TAOK1: variants seen among roughly 807,000 people sequenced by gnomAD.
TAOK1 encodes the protein TAO kinase 1, also known as serine/threonine-protein kinase TAO1.
In TAOK1, 21 loss-of-function variants were observed where a neutral mutation model predicts 138.3. The observed-to-expected ratio is 0.15, with a 90% CI of 0.11 to 0.22. TAOK1 has a LOEUF of 0.22. Ranked by LOEUF, TAOK1 falls within the 10% of genes least tolerant of loss-of-function variation. The pLI, the probability that TAOK1 is intolerant of heterozygous loss-of-function variation, is 1.00. For synonymous variants in TAOK1, 361 were observed against 398.4 expected (o/e 0.91, Z 1.12); for missense variants, 651 against 1,227.7 (o/e 0.53, Z 7.02).
rs564919066 is a variant in TAOK1, at chr17:29,548,090, C to T, written c.*5068C>T. On this transcript the variant is annotated 3_prime_UTR_variant, in exon 20 of 20. Transcript: ENST00000261716. ...TGCATTTATATTTTCTGCTGAATTC[C>T]GGTAGTTCCCTTTAAAGTCATGTTG... The T allele has an allele frequency of 4.6e-5, 7 of 152,204 alleles. No individual in the cohort carries two copies. The South Asian group carries it at 1.2e-3, about 27-fold the overall frequency. 9.4% of individuals were successfully genotyped at this position (152,204 alleles called of 1,614,324 possible). A position where few individuals can be genotyped will look rare whatever the true frequency, so the allele number is the denominator to read the frequency against.
At chr17:29,418,463 T>G (rs1338072090) in intron 1 of TAOK1, among the ~76,000 whole-genome samples, 3 of 151,570 alleles carry the variant, frequency 2.0e-5, no homozygotes, top group Admixed American at 6.6e-5. Flanking sequence ...CCTTGGCCTC[T>G]CAAAGTGCTG....
rs369066104 is a variant in TAOK1, at chr17:29,511,447, A to C, written c.1704+455A>C. On this transcript the variant is annotated intron_variant, in intron 15 of 19. Coordinates refer to ENST00000261716, the MANE Select transcript of TAOK1 (RefSeq NM_020791.4). ...GAGACGGGGTTTCACCATGTTAGCC[A>C]GGATGGTCTCGATCTCCTGACCTTG... 4 of 152,530 alleles carry C rather than the reference A, an allele frequency of 2.6e-5. No homozygotes were observed. In the East Asian group the frequency reaches 5.8e-4, roughly 22 times the overall value. 9.4% of individuals were successfully genotyped at this position (152,530 alleles called of 1,614,324 possible).
chr17:29,446,422 T>C (rs1275321060), intron 1 of TAOK1, among the ~76,000 whole-genome samples: 1 of 152,154 alleles, frequency 6.6e-6, no homozygotes, highest in Non-Finnish European at 1.5e-5. Flanking sequence ...TTTGTGTTTT[T>C]AGTAGAGACA....
Position 29,394,827 on chromosome 17 carries a change from G to T in TAOK1, c.-95+3803G>T, listed in dbSNP as rs145875762. Among the ~76,000 whole-genome samples the T allele has an allele frequency of 3.5e-3, 538 of 152,370 alleles. 2 individuals carry two copies. Among genetic ancestry groups the T allele is most frequent in the African/African-American group, 0.013 (521 of 41,590 alleles). ...TGTTATTTCTGGGCTGGGCAAAGTG[G>T]CTCAGGCCTGTAATGCCAGCGCTTT... On this transcript the variant is annotated intron_variant, in intron 1 of 19. Transcript: ENST00000261716.
At chr17:29,493,449 G>A (rs981139709) in intron 10 of TAOK1, among the ~76,000 whole-genome samples, 3 of 150,750 alleles carry the variant, frequency 2.0e-5, no homozygotes, top group Admixed American at 6.6e-5. Context: ...AGCTGAGATC[G>A]CACCATTGCA....
intron 1 of TAOK1, among the ~76,000 whole-genome samples, chr17:29,403,565 A>G (rs1264931781): frequency 1.3e-5 from 2 of 152,190 alleles, no homozygotes; most frequent in Non-Finnish European, 2.9e-5. Context: ...CTCCTGCTGC[A>G]TAAATGGTAG....
chr17:29,432,538 G>A (rs1905878114), intron 1 of TAOK1, among the ~76,000 whole-genome samples: 1 of 152,196 alleles, frequency 6.6e-6, no homozygotes, highest in African/African-American at 2.4e-5. Flanking sequence ...CACCATATTG[G>A]ACAGGCTGGT....
intron 2 of TAOK1, among the ~76,000 whole-genome samples, chr17:29,459,761 A>C (rs1247939671): frequency 6.6e-6 from 1 of 152,186 alleles, no homozygotes; most frequent in Non-Finnish European, 1.5e-5. Flanking sequence ...TTGGGCATAT[A>C]CCTAATAGTT....
chr17:29,504,110 C>CA (rs35382020), intron 13 of TAOK1, among the ~76,000 whole-genome samples: 48,766 of 126,758 alleles, frequency 0.38, 10,183 homozygotes, highest in Non-Finnish European at 0.48. Flanking sequence ...GACCCTATCT[C>CA]AAAAAAAAAA....
intron 19 of TAOK1, among the ~76,000 whole-genome samples, chr17:29,539,595 C>G (rs1236983333): frequency 6.6e-6 from 1 of 152,148 alleles, no homozygotes; most frequent in Non-Finnish European, 1.5e-5. Flanking sequence ...TGCCACCATG[C>G]CCGGCTAATC....
chr17:29,405,794 A>G (rs1312121717), intron 1 of TAOK1, among the ~76,000 whole-genome samples: 2 of 152,062 alleles, frequency 1.3e-5, no homozygotes, highest in Non-Finnish European at 2.9e-5. Flanking sequence ...AAAAAAGACA[A>G]CCAGTTTAGC....
intron 1 of TAOK1, among the ~76,000 whole-genome samples, chr17:29,397,630 A>C (rs1005625038): frequency 1.4e-5 from 1 of 69,870 alleles, no homozygotes; most frequent in African/African-American, 5.3e-5. Context: ...ATATATATAT[A>C]CATGTATACA....
At position 29,551,751 on chromosome 17, in the gene TAOK1, G is replaced by A. The variant is rs1257636127; in HGVS notation, c.*8729G>A. The A allele has an allele frequency of 6.6e-6, 1 of 152,554 alleles. No individual in the cohort carries two copies. Among genetic ancestry groups the A allele is most frequent in the Non-Finnish European group, 1.5e-5 (1 of 68,022 alleles). The allele number at this position is 152,554 out of a possible 1,614,324, so 9.5% of individuals were successfully genotyped here. ...AGTTCATATATAACCTGTATTAATT[G>A]TATAGATTGTGCATTAAAAGCTGTT... On this transcript the variant is annotated 3_prime_UTR_variant, in exon 20 of 20. Transcript: ENST00000261716.
At chr17:29,501,203 A>G (rs1224426495) in intron 12 of TAOK1, among the ~76,000 whole-genome samples, 1 of 146,818 alleles carries the variant, frequency 6.8e-6, no homozygotes, top group Non-Finnish European at 1.5e-5. Flanking sequence ...TGGGCAACAT[A>G]GGGAGACCCC....
chr17:29,517,423 T>G (rs1397675477), intron 15 of TAOK1, 30 bp from the exon 16 acceptor site: 1 of 1,609,922 alleles, frequency 6.2e-7, no homozygotes, highest in South Asian at 1.1e-5. Context: ...CCAGGCCTAT[T>G]TTTACCTGAG....
At chr17:29,449,911 TAAAAG>T (rs2030189605) in intron 1 of TAOK1, among the ~76,000 whole-genome samples, 1 of 152,120 alleles carries the variant, frequency 6.6e-6, no homozygotes, top group African/African-American at 2.4e-5. Flanking sequence ...TTGAACAAGT[TAAAAG>T]AAAATAGCTA....
At chr17:29,527,294 A>C (rs2032027854) in intron 17 of TAOK1, among the ~76,000 whole-genome samples, 1 of 151,712 alleles carries the variant, frequency 6.6e-6, no homozygotes, top group African/African-American at 2.4e-5. Flanking sequence ...GTCTCAAAAA[A>C]AGAAAAGAAA....
intron 1 of TAOK1, among the ~76,000 whole-genome samples, chr17:29,427,570 T>G (rs1598477006): frequency 6.6e-6 from 1 of 151,384 alleles, no homozygotes; most frequent in African/African-American, 2.4e-5. Flanking sequence ...GAGATCTTAT[T>G]TGAGTTAGGA....
At chr17:29,416,717 C>T (rs1021803254) in intron 1 of TAOK1, among the ~76,000 whole-genome samples, 5 of 151,844 alleles carry the variant, frequency 3.3e-5, no homozygotes, top group Non-Finnish European at 5.9e-5. Context: ...TTTAGTTTTC[C>T]TCCTTGGAAT....
Sources: gnomAD v4.1 joint callset for allele counts (sites outside exome capture counted in the v4.1 genomes callset) on GRCh38, gnomAD v4.1.1 for gene constraint, MANE v1.5 for transcripts, NCBI Gene and HGNC (gene_info 2026-07-23, HGNC 2026-07-21) for gene names.